Variants in ZNF821 observed in about 807,000 individuals in gnomAD.
ZNF821 encodes zinc finger protein 821.
A neutral mutation model predicts 44.3 loss-of-function variants in ZNF821; 16 were observed. The observed-to-expected ratio is 0.36, with a 90% CI of 0.24 to 0.55. ZNF821 has a LOEUF of 0.55. ZNF821 is among the 20% of genes least tolerant of loss of function. The pLI is 0.86. For missense variants in ZNF821, 436 were observed against 547.6 expected (o/e 0.80, Z 2.03); for synonymous variants, 204 against 197.6 (o/e 1.03, Z -0.27).
chr16:71,868,909 G>A (rs957542004), intron 3 of ZNF821, among the ~76,000 whole-genome samples: 9 of 152,104 alleles, frequency 5.9e-5, no homozygotes, highest in African/African-American at 2.2e-4. Context: ...TGATCCGCCC[G>A]CCTCGGCCTC....
intron 3 of ZNF821, among the ~76,000 whole-genome samples, chr16:71,871,035 G>T (rs1419839849): frequency 6.6e-6 from 1 of 152,152 alleles, no homozygotes; most frequent in African/African-American, 2.4e-5. Flanking sequence ...ACACCTAAAA[G>T]GATATGTACC....
At chr16:71,879,681 T>C (rs2036220015) in intron 3 of ZNF821, among the ~76,000 whole-genome samples, 1 of 152,136 alleles carries the variant, frequency 6.6e-6, no homozygotes, top group African/African-American at 2.4e-5. Flanking sequence ...TAAGATAGGT[T>C]TCCAACACCT....
chr16:71,860,136 A>G lies in ZNF821; in HGVS notation c.1121T>C (p.Met374Thr), dbSNP rs1444912300. The G allele has an allele frequency of 6.2e-7, 1 of 1,614,248 alleles. No individual in the cohort carries two copies. The stretch of plus-strand genomic sequence containing the variant: ...GTTCATTTCAGCTGCTAAGGCTGCC[A>G]TGGCAGAAGGGTCCTGGCCAAACTG... ...RAQFGQDPSA[M>T]AALAAEMNFF... is the part of the protein sequence containing the mutation. The change falls in exon 8 of 8, where the codon ATG becomes ACG. Residue 374 changes from methionine to threonine, a missense_variant. Transcript: ENST00000425432. This position sits in a 1 kb window ranked among gnomAD's most constrained non-coding sequence, Gnocchi z 7.3.
chr16:71,864,824 C>T, intron 5 of ZNF821, 79 bp downstream of exon 5: 1 of 1,574,414 alleles, frequency 6.4e-7, no homozygotes. Flanking sequence ...CAAGACTGTG[C>T]CACAGGGGTG....
At chr16:71,873,368 T>C (rs1276440571) in intron 3 of ZNF821, among the ~76,000 whole-genome samples, 1 of 149,102 alleles carries the variant, frequency 6.7e-6, no homozygotes, top group Non-Finnish European at 1.5e-5. Context: ...GGGAAGGAGG[T>C]AGGGAGAAGG....
At chr16:71,874,410 C>T (rs979660523) in intron 3 of ZNF821, among the ~76,000 whole-genome samples, 9 of 152,126 alleles carry the variant, frequency 5.9e-5, no homozygotes, top group Admixed American at 5.9e-4. Flanking sequence ...TTAATGCAGA[C>T]TTTCCTGCCC....
intron 3 of ZNF821, among the ~76,000 whole-genome samples, chr16:71,876,353 G>A (rs112471157): frequency 6.6e-6 from 1 of 151,874 alleles, no homozygotes; most frequent in Non-Finnish European, 1.5e-5. Flanking sequence ...ACAGGCACCC[G>A]CCACTGCACC....
rs1269748112 is a variant in ZNF821 at position 71,879,639 on chromosome 16, GATATTAAAGAT to G, written c.40+257_40+267del. ...GTATCCTATAACTGTTTGTTAATGT[GATATTAAAGAT>G]ATATCAAGTGTACATACCCCTAAGA... is the stretch of plus-strand genomic sequence containing the variant. On this transcript the variant is annotated intron_variant, in intron 3 of 7. Coordinates refer to ENST00000425432, the MANE Select transcript of ZNF821 (RefSeq NM_001201552.2). Among the ~76,000 whole-genome samples the G allele has an allele frequency of 2.0e-5, 3 of 152,204 alleles. No homozygotes were observed. The East Asian group carries it at 5.8e-4, about 29-fold the overall frequency.
intron 2 of ZNF821, chr16:71,881,954 G>C (rs1017077908): frequency 6.6e-6 from 1 of 152,172 alleles, no homozygotes; most frequent in Non-Finnish European, 1.5e-5. Context: ...TTGGGCAACA[G>C]AGTGAGACTC....
At chr16:71,862,006 G>C in intron 6 of ZNF821, 64 bp from the exon 7 acceptor site, 2 of 1,573,760 alleles carry the variant, frequency 1.3e-6, no homozygotes, top group Non-Finnish European at 1.7e-6. Context: ...CACCCACTTA[G>C]AAATGACTTT....
Position 71,864,969 on chromosome 16 carries a change from G to C in ZNF821, c.246C>G (p.Val82=). The C allele has an allele frequency of 1.2e-6, 2 of 1,614,102 alleles. No individual in the cohort carries two copies. Among genetic ancestry groups the C allele is most frequent in the Non-Finnish European group, 1.7e-6 (2 of 1,180,034 alleles). ...SHTSEEDGGV[V]KVEKELENTE... is the part of the protein sequence containing the mutation. ...TATTTTCTAACTCTTTCTCCACTTT[G>C]ACCACCCCTCCATCTTCCTCTGATG... is the stretch of plus-strand genomic sequence containing the variant. The change falls in exon 5 of 8, where the codon GTC becomes GTG. Residue 82 remains valine (V), a synonymous_variant. Coordinates refer to ENST00000425432, the MANE Select transcript of ZNF821 (RefSeq NM_001201552.2).
intron 1 of ZNF821, chr16:71,890,460 C>T (rs1207341321): frequency 1.3e-5 from 2 of 151,740 alleles, no homozygotes; most frequent in Non-Finnish European, 2.9e-5. Flanking sequence ...AATCTCGGCT[C>T]ACTGCAGCCT....
intron 5 of ZNF821, among the ~76,000 whole-genome samples, chr16:71,864,533 G>T (rs999707174): frequency 6.6e-6 from 1 of 152,202 alleles, no homozygotes; most frequent in Admixed American, 6.5e-5. Flanking sequence ...GAATCCTCAG[G>T]AAACAAGTTA....
chr16:71,860,643 T>C lies in ZNF821; in HGVS notation c.614A>G (p.Glu205Gly). 1 of 1,613,798 alleles carries C rather than the reference T, an allele frequency of 6.2e-7. No homozygotes were observed. Among genetic ancestry groups the C allele is most frequent in the Non-Finnish European group, 8.5e-7 (1 of 1,179,886 alleles). ...CTCATTGTGGACTGTGGGTAGGGAT[T>C]CCATATTTAGTACTTCAGGAAGTTT... Reference protein sequence around the residue: ...SEKLPEVLNMESLPTVHNEGP... With the variant: ...SEKLPEVLNMGSLPTVHNEGP... The change falls in exon 8 of 8, where the codon GAA (glutamate) becomes GGA (glycine). Residue 205 changes from glutamate (E) to glycine (G), a missense_variant. This residue lies in a region of ZNF821 where 238 missense variants were observed against 281.4 expected (regional missense o/e 0.85). Coordinates refer to ENST00000425432, the MANE Select transcript of ZNF821 (RefSeq NM_001201552.2). This position sits in a 1 kb window ranked among gnomAD's most constrained non-coding sequence, Gnocchi z 7.3.
chr16:71,879,690 C>A (rs557347146), intron 3 of ZNF821, among the ~76,000 whole-genome samples: 160 of 152,208 alleles, frequency 1.1e-3, no homozygotes, highest in Non-Finnish European at 1.6e-3. Flanking sequence ...TTTCCAACAC[C>A]TCCCCCAGCA....
intron 1 of ZNF821, among the ~76,000 whole-genome samples, chr16:71,892,772 C>G (rs2036896404): frequency 6.7e-6 from 1 of 148,604 alleles, no homozygotes; most frequent in Non-Finnish European, 1.5e-5. Flanking sequence ...TGCTCTGTCA[C>G]CCAGGCTGGA....
upstream of ZNF821, among the ~76,000 whole-genome samples, chr16:71,888,158 T>C (rs1432005210): frequency 6.6e-6 from 1 of 152,220 alleles, no homozygotes; most frequent in East Asian, 1.9e-4. Flanking sequence ...ATTACAGGCA[T>C]GAACCACTGC....
chr16:71,874,601 G>A (rs1364336083), intron 3 of ZNF821, among the ~76,000 whole-genome samples: 2 of 151,886 alleles, frequency 1.3e-5, no homozygotes, highest in Non-Finnish European at 2.9e-5. Flanking sequence ...TTACAGGCGT[G>A]TGTCACCATG....
upstream of ZNF821, among the ~76,000 whole-genome samples, chr16:71,887,284 G>A (rs1003636331): frequency 3.5e-5 from 4 of 114,828 alleles, no homozygotes; most frequent in African/African-American, 6.8e-5. Context: ...TTTTGAGACC[G>A]AGTCTTGCTC....
Sources: allele counts gnomAD v4.1 joint callset (sites outside exome capture counted in the v4.1 genomes callset), GRCh38; gene constraint gnomAD v4.1.1; regional missense constraint gnomAD v4.1.1; non-coding constraint Gnocchi (gnomAD v3.1); transcripts MANE v1.5; gene names NCBI Gene and HGNC (gene_info 2026-07-23, HGNC 2026-07-21).